Variants in ZNF282 observed in about 807,000 individuals in gnomAD.
ZNF282 encodes the protein HTLV-I U5 repressive element-binding protein 1.
A neutral mutation model predicts 61.9 loss-of-function variants in ZNF282; 30 were observed. The observed-to-expected ratio is 0.48, with a 90% confidence interval of 0.36 to 0.66. ZNF282 has a LOEUF of 0.66. ZNF282 is among the 30% of genes least tolerant of loss of function. The pLI is 0.00. For missense variants in ZNF282, 788 were observed against 941.4 expected (o/e 0.84, Z 2.13); for synonymous variants, 396 against 405.0 (o/e 0.98, Z 0.27).
At chr7:149,219,905 A>G (rs1796211232) in intron 7 of ZNF282, among the ~76,000 whole-genome samples, 1 of 152,122 alleles carries the variant, frequency 6.6e-6, no homozygotes. Flanking sequence ...GGAATCATCT[A>G]AAAAGAATGG....
intron 2 of ZNF282, among the ~76,000 whole-genome samples, chr7:149,205,600 T>C (rs1795980692): frequency 6.6e-6 from 1 of 152,134 alleles, no homozygotes; most frequent in Non-Finnish European, 1.5e-5. Context: ...GGTGGGGCCA[T>C]GGCACTGAGG....
At chr7:149,223,025 A>G (rs1272444682) in intron 7 of ZNF282, among the ~76,000 whole-genome samples, 2 of 151,668 alleles carry the variant, frequency 1.3e-5, no homozygotes, top group African/African-American at 2.4e-5. Flanking sequence ...TGCCTGGGCC[A>G]GTGCAATGGC....
Position 149,212,412 on chromosome 7 carries a change from A to C in ZNF282, c.1007A>C (p.Gln336Pro). The C allele has an allele frequency of 1.9e-6, 3 of 1,613,150 alleles. No homozygotes were observed. Among genetic ancestry groups the C allele is most frequent in the Non-Finnish European group, 2.5e-6 (3 of 1,179,604 alleles). The change falls in exon 6 of 8, where the codon CAG (glutamine) becomes CCG (proline). Residue 336 changes from glutamine (Q) to proline (P), a missense_variant. Gln to Pro is a moderately conservative substitution (Grantham distance 76, BLOSUM62 -1). Coordinates refer to ENST00000610704, the MANE Select transcript of ZNF282 (RefSeq NM_003575.4). Reference sequence around the variant, plus strand: ...TCCCGGATTAAACAGGAGGAGCATCAGTGCGTGTGGGATCAGCAGGATTTG... The same window carrying C: ...TCCCGGATTAAACAGGAGGAGCATCCGTGCGTGTGGGATCAGCAGGATTTG... ...LLSRIKQEEHQCVWDQQDLAD... is the reference protein window; with the variant it reads ...LLSRIKQEEHPCVWDQQDLAD...
chr7:149,219,027 G>A (rs1563180533), intron 7 of ZNF282, among the ~76,000 whole-genome samples: 1 of 152,144 alleles, frequency 6.6e-6, no homozygotes, highest in African/African-American at 2.4e-5. Context: ...TTGGCGTTCC[G>A]AGTTTCTGTT....
chr7:149,210,299 C>A (rs1350519811), intron 4 of ZNF282, among the ~76,000 whole-genome samples: 1 of 152,170 alleles, frequency 6.6e-6, no homozygotes, highest in Non-Finnish European at 1.5e-5. Context: ...TCAGTGTCAT[C>A]ACCCCTCATT....
rs1035955037 is a variant in ZNF282 at position 149,224,072 on chromosome 7, G to T, written c.1441G>T (p.Gly481Cys). ...CGGGGGCGGCGGGGGCGATGGGGGC[G>T]GTGGGGGCGGCGGCGCGGAGGCGGG... ...STGGGGGDGG[G>C]GGGGAEAGTG... Residue 481 changes from glycine (G) to cysteine (C), a missense_variant, in exon 8 of 8, where the codon GGT becomes TGT. Physicochemically the swap from Gly to Cys is radical, Grantham distance 159. Around this residue, in one of 3 missense-constraint regions of ZNF282, gnomAD observed 559 missense variants for 642.0 expected, o/e 0.87. Coordinates refer to ENST00000610704, the MANE Select transcript of ZNF282 (RefSeq NM_003575.4). 1.2e-4 allele frequency: 143 copies of T among 1,202,186 alleles called. No individual in the cohort carries two copies. Among genetic ancestry groups the T allele is most frequent in the Non-Finnish European group, 1.4e-4 (140 of 969,670 alleles). 74.5% of individuals were successfully genotyped at this position (1,202,186 alleles called of 1,614,324 possible). A position where few individuals can be genotyped will look rare whatever the true frequency, so the allele number is the denominator to read the frequency against.
chr7:149,224,895 G>A lies in ZNF282; in HGVS notation c.*248G>A. The stretch of plus-strand genomic sequence containing the variant: ...GGACCGCGAGGAGCCGAGCGTCCTC[G>A]GGCACCGCCCTCACACCTCCTCGAG... On this transcript the variant is annotated 3_prime_UTR_variant, in exon 8 of 8. Coordinates refer to ENST00000610704, the MANE Select transcript of ZNF282 (RefSeq NM_003575.4). 1.6e-6 allele frequency: 1 copy of A among 621,172 alleles called. No homozygotes were observed. The allele number at this position is 621,172 out of a possible 1,614,324, so 38.5% of individuals were successfully genotyped here. A position where few individuals can be genotyped will look rare whatever the true frequency, so the allele number is the denominator to read the frequency against.
chr7:149,200,751 A>G (rs894224429), intron 2 of ZNF282, among the ~76,000 whole-genome samples: 1 of 152,076 alleles, frequency 6.6e-6, no homozygotes, highest in Non-Finnish European at 1.5e-5. Flanking sequence ...ATCTGCCACC[A>G]TGCCCACCTA....
rs139427055 is a variant in ZNF282, at chr7:149,212,915, C to G, written c.1066+444C>G. The stretch of plus-strand genomic sequence containing the variant: ...CTGATTTTTGAACAATAAAAACAAC[C>G]AAAAAGCATCTAAAAGCTGCATATA... On this transcript the variant is annotated intron_variant, in intron 6 of 7. Coordinates refer to ENST00000610704, the MANE Select transcript of ZNF282 (RefSeq NM_003575.4). Among the ~76,000 whole-genome samples, 452 of 152,264 alleles carry G rather than the reference C, an allele frequency of 3.0e-3. 4 individuals carry two copies. Among genetic ancestry groups the G allele is most frequent in the African/African-American group, 0.01 (423 of 41,548 alleles).
chr7:149,208,746 C>T (rs1237279026), intron 4 of ZNF282, among the ~76,000 whole-genome samples: 1 of 151,802 alleles, frequency 6.6e-6, no homozygotes, highest in Non-Finnish European at 1.5e-5. Flanking sequence ...CGGCAGGGCA[C>T]GGTGGCTCAC....
At chr7:149,199,613 T>C (rs1795877868) in intron 2 of ZNF282, among the ~76,000 whole-genome samples, 1 of 152,184 alleles carries the variant, frequency 6.6e-6, no homozygotes. Flanking sequence ...GAGTTGTCTA[T>C]ACTTGTTGTC....
chr7:149,220,917 G>T (rs1474444891), intron 7 of ZNF282, among the ~76,000 whole-genome samples: 2 of 47,718 alleles, frequency 4.2e-5, no homozygotes, highest in Non-Finnish European at 5.6e-5. Flanking sequence ...CCCCTGGAGG[G>T]TTTTTTTTTT....
intron 2 of ZNF282, among the ~76,000 whole-genome samples, chr7:149,205,721 G>A (rs957993473): frequency 3.3e-5 from 5 of 152,214 alleles, no homozygotes; most frequent in African/African-American, 1.2e-4. Context: ...CTGAGTAGTG[G>A]TAGCTGTGCT....
rs891866299 is a variant in ZNF282 at position 149,223,882 on chromosome 7, G to T, written c.1251G>T (p.Pro417=). Residue 417 remains proline, a synonymous_variant, in exon 8 of 8, where the codon CCG becomes CCT. Coordinates refer to ENST00000610704, the MANE Select transcript of ZNF282 (RefSeq NM_003575.4). ...PPQPQPQPQP[P]QPQLQSQPQP... ...AGCCCCAGCCCCAGCCCCAGCCACCGCAGCCGCAGCTGCAGTCGCAGCCCC... is the reference window on the plus strand; with the variant it reads ...AGCCCCAGCCCCAGCCCCAGCCACCTCAGCCGCAGCTGCAGTCGCAGCCCC... 2 of 1,360,510 alleles carry T rather than the reference G, an allele frequency of 1.5e-6. No individual in the cohort carries two copies. Among genetic ancestry groups the T allele is most frequent in the South Asian group, 1.5e-5 (1 of 68,432 alleles). 84.3% of individuals were successfully genotyped at this position (1,360,510 alleles called of 1,614,324 possible).
In ZNF282 at chr7:149,198,197, T is replaced by C. The variant is rs1795848732; in HGVS notation, c.166-136T>C. ...GGGTAGCTGTTGCTGGGGGTGTTAG[T>C]GTATCCTGAGTTACGGGGGCCTGGC... On this transcript the variant is annotated intron_variant, in intron 1 of 7. Transcript: ENST00000610704. The surrounding 1 kb of genome is among the most constrained non-coding windows in gnomAD (Gnocchi z 4.3). 1.0e-6 allele frequency: 1 copy of C among 991,810 alleles called. No individual in the cohort carries two copies. Among genetic ancestry groups the C allele is most frequent in the South Asian group, 1.7e-5 (1 of 59,442 alleles). 61.4% of individuals were successfully genotyped at this position (991,810 alleles called of 1,614,324 possible).
At chr7:149,218,716 A>C (rs1404562255) in intron 7 of ZNF282, among the ~76,000 whole-genome samples, 1 of 152,162 alleles carries the variant, frequency 6.6e-6, no homozygotes, top group Admixed American at 6.6e-5. Flanking sequence ...TGGGGGTTCT[A>C]GGCCACCCTC....
chr7:149,210,269 G>A (rs1796062282), intron 4 of ZNF282, among the ~76,000 whole-genome samples: 1 of 152,048 alleles, frequency 6.6e-6, no homozygotes, highest in Admixed American at 6.5e-5. Flanking sequence ...ACAGCTCTAG[G>A]TTGTTTCTGA....
rs1216560829 is a variant in ZNF282 at position 149,225,060 on chromosome 7, G to C, written c.*413G>C. 1 of 214,674 alleles carries C rather than the reference G, an allele frequency of 4.7e-6. No individual in the cohort carries two copies. The highest frequency in any genetic ancestry group is 9.3e-6 in the Non-Finnish European group (1 of 107,230). The allele number at this position is 214,674 out of a possible 1,614,324, so 13.3% of individuals were successfully genotyped here. A position where few individuals can be genotyped will look rare whatever the true frequency, so the allele number is the denominator to read the frequency against. On this transcript the variant is annotated 3_prime_UTR_variant, in exon 8 of 8. Transcript: ENST00000610704. ...GCGAAGGCCGAGGGATGTGCTAAGGGTAACACCTTCATGATGACAACACTG... is the reference window on the plus strand; with the variant it reads ...GCGAAGGCCGAGGGATGTGCTAAGGCTAACACCTTCATGATGACAACACTG...
chr7:149,198,438 T>C lies in ZNF282; in HGVS notation c.271T>C (p.Leu91=). ...FPDRMMREPQ[L]PTAEISLWTV... is the part of the protein sequence containing the mutation. The stretch of plus-strand genomic sequence containing the variant: ...CGACCGCATGATGCGAGAGCCCCAG[T>C]TGCCCACAGCAGAGATCTCACTCTG... Residue 91 remains leucine (L), a synonymous_variant, in exon 2 of 8, where the codon TTG becomes CTG. Transcript: ENST00000610704. The surrounding 1 kb of genome is among the most constrained non-coding windows in gnomAD (Gnocchi z 4.3). 1 of 1,614,182 alleles carries C rather than the reference T, an allele frequency of 6.2e-7. No homozygotes were observed. Among genetic ancestry groups the C allele is most frequent in the South Asian group, 1.1e-5 (1 of 91,074 alleles).
Sources: allele counts gnomAD v4.1 joint callset (sites outside exome capture counted in the v4.1 genomes callset), GRCh38; gene constraint gnomAD v4.1.1; regional missense constraint gnomAD v4.1.1; non-coding constraint Gnocchi (gnomAD v3.1); transcripts MANE v1.5; gene names NCBI Gene and HGNC (gene_info 2026-07-23, HGNC 2026-07-21).